The following HTR4 variants were observed in gnomAD, a reference collection of about 807,000 sequenced individuals.
HTR4 encodes the protein 5-hydroxytryptamine receptor 4.
HTR4 carries 16 observed loss-of-function variants against 36.8 expected under a neutral mutation model. That is an observed-to-expected ratio of 0.43 (90% CI 0.29 to 0.66). HTR4 has a LOEUF of 0.66. Ranked by LOEUF, HTR4 falls within the 30% of genes least tolerant of loss-of-function variation. The pLI, the probability that HTR4 is intolerant of heterozygous loss-of-function variation, is 0.13. For synonymous variants in HTR4, 189 were observed against 185.1 expected (o/e 1.02, Z -0.17); for missense variants, 438 against 490.9 (o/e 0.89, Z 1.02).
At chr5:148,559,137 A>G (rs1157176096) in intron 2 of HTR4, among the ~76,000 whole-genome samples, 1 of 152,222 alleles carries the variant, frequency 6.6e-6, no homozygotes, top group Admixed American at 6.5e-5. Flanking sequence ...GTTGGAGCTC[A>G]CTGCTGCTGC....
chr5:148,634,165 G>A (rs1753440309), intron 2 of HTR4, among the ~76,000 whole-genome samples: 1 of 152,110 alleles, frequency 6.6e-6, no homozygotes, highest in Admixed American at 6.6e-5. Flanking sequence ...ATTGACTGGA[G>A]CCCCTCAATT....
rs1164196663 is a variant in HTR4, at chr5:148,597,214, T to A, written c.26+39775A>T. Among the ~76,000 whole-genome samples, 7 of 152,304 alleles carry A rather than the reference T, an allele frequency of 4.6e-5. No individual in the cohort carries two copies. The South Asian group carries it at 1.5e-3, about 32-fold the overall frequency. On this transcript the variant is annotated intron_variant, in intron 2 of 6. Transcript: ENST00000377888. Reference sequence around the variant, plus strand: ...GTATTGGTTATTATTCATGGCCCCATTATTGCATACATCTCTGACTACATG... The same window carrying A: ...GTATTGGTTATTATTCATGGCCCCAATATTGCATACATCTCTGACTACATG...
At chr5:148,579,709 G>T (rs1761061492) in intron 2 of HTR4, among the ~76,000 whole-genome samples, 1 of 151,976 alleles carries the variant, frequency 6.6e-6, no homozygotes, top group Non-Finnish European at 1.5e-5. Flanking sequence ...TAGGACTAAA[G>T]ACCCCATTCT....
intron 1 of HTR4, among the ~76,000 whole-genome samples, chr5:148,652,155 C>T (rs911220869): frequency 6.6e-6 from 1 of 152,132 alleles, no homozygotes; most frequent in African/African-American, 2.4e-5. Flanking sequence ...TATATCTATT[C>T]CTATCTCCAG....
chr5:148,639,219 T>TAAGTCAGG (rs1487354731), intron 1 of HTR4, among the ~76,000 whole-genome samples: 32 of 152,196 alleles, frequency 2.1e-4, no homozygotes, highest in Admixed American at 1.7e-3. Context: ...TTTTTAAATG[T>TAAGTCAGG]AAGTCAGGTC....
chr5:148,471,194 T>C (rs1004737244), intron 5 of HTR4, among the ~76,000 whole-genome samples: 11 of 152,192 alleles, frequency 7.2e-5, no homozygotes, highest in African/African-American at 2.7e-4. Flanking sequence ...GATACTGTAC[T>C]TTCTCCAGTC....
chr5:148,581,941 C>G (rs6892123), intron 2 of HTR4, among the ~76,000 whole-genome samples: 41,001 of 151,884 alleles, frequency 0.27, 6,720 homozygotes, highest in African/African-American at 0.46. Flanking sequence ...TAGACATTTT[C>G]ACATAGAATG....
intron 2 of HTR4, among the ~76,000 whole-genome samples, chr5:148,585,414 C>T (rs768205832): frequency 3.3e-5 from 5 of 152,148 alleles, no homozygotes; most frequent in African/African-American, 4.8e-5. Flanking sequence ...AATCCTAGAA[C>T]GCTAAAGCTA....
At chr5:148,566,672 T>C (rs1280257285) in intron 2 of HTR4, among the ~76,000 whole-genome samples, 2 of 152,164 alleles carry the variant, frequency 1.3e-5, no homozygotes, top group African/African-American at 4.8e-5. Context: ...AGAGTAACAC[T>C]GAAATGCAAA....
intron 2 of HTR4, among the ~76,000 whole-genome samples, chr5:148,613,325 A>G (rs1174607443): frequency 1.6e-5 from 2 of 127,532 alleles, no homozygotes; most frequent in Non-Finnish European, 3.4e-5. Context: ...CAAAAAGCTT[A>G]TCCACCATGA....
intron 2 of HTR4, among the ~76,000 whole-genome samples, chr5:148,607,314 G>C (rs1752213908): frequency 6.6e-6 from 1 of 152,184 alleles, no homozygotes; most frequent in African/African-American, 2.4e-5. Context: ...CTGGACCAGA[G>C]TTCAGATACT....
chr5:148,592,429 C>A (rs1761611047), intron 2 of HTR4, among the ~76,000 whole-genome samples: 1 of 151,878 alleles, frequency 6.6e-6, no homozygotes, highest in African/African-American at 2.4e-5. Flanking sequence ...AGAATAGATG[C>A]CTAAACTAAT....
intron 5 of HTR4, among the ~76,000 whole-genome samples, chr5:148,521,349 A>G (rs1222864044): frequency 2.0e-5 from 3 of 152,162 alleles, no homozygotes; most frequent in African/African-American, 7.2e-5. Context: ...TGAGATTAAC[A>G]TTTGAATCAG....
At chr5:148,453,800 C>T (rs1034559749) in intron 5 of HTR4, among the ~76,000 whole-genome samples, 3 of 152,078 alleles carry the variant, frequency 2.0e-5, no homozygotes, top group African/African-American at 7.2e-5. Context: ...CCTCTGGATG[C>T]TCTATTGTGA....
intron 4 of HTR4, among the ~76,000 whole-genome samples, chr5:148,525,340 A>AT (rs1186947652): frequency 6.6e-6 from 1 of 151,460 alleles, no homozygotes; most frequent in African/African-American, 2.4e-5. Context: ...TTTTTTTCAA[A>AT]TTTTGTTTCC....
chr5:148,644,432 T>G lies in HTR4; in HGVS notation c.-47-7371A>C, dbSNP rs903170853. The stretch of plus-strand genomic sequence containing the variant: ...GTCTCAAGCTCACAAGTTTTTTTTT[T>G]TTTTTTTTTTTTTTTTTTTTTTTGC... On this transcript the variant is annotated intron_variant, in intron 1 of 6. Transcript: ENST00000377888. Among the ~76,000 whole-genome samples, 7 of 129,766 alleles carry G rather than the reference T, an allele frequency of 5.4e-5. No homozygotes were observed. In the East Asian group the frequency reaches 1.1e-3, roughly 20 times the overall value. 85.1% of individuals were successfully genotyped at this position (129,766 alleles called of 152,430 possible).
intron 6 of HTR4, among the ~76,000 whole-genome samples, chr5:148,491,878 C>T (rs1475178027): frequency 6.6e-6 from 1 of 152,152 alleles, no homozygotes; most frequent in Non-Finnish European, 1.5e-5. Flanking sequence ...AACCCTGCTG[C>T]GCACTCAAGC....
chr5:148,603,720 A>G (rs1034221339), intron 2 of HTR4, among the ~76,000 whole-genome samples: 3 of 152,108 alleles, frequency 2.0e-5, no homozygotes, highest in Non-Finnish European at 4.4e-5. Flanking sequence ...TTATTTTGAC[A>G]TAACATCAAC....
chr5:148,544,562 GC>G (rs1246291576), intron 4 of HTR4, among the ~76,000 whole-genome samples: 1 of 151,896 alleles, frequency 6.6e-6, no homozygotes, highest in Non-Finnish European at 1.5e-5. Flanking sequence ...TACTTGGTTA[GC>G]TTTTATTCAC....
Sources: gnomAD v4.1 joint callset for allele counts (sites outside exome capture counted in the v4.1 genomes callset) on GRCh38, gnomAD v4.1.1 for gene constraint, MANE v1.5 for transcripts, NCBI Gene and HGNC (gene_info 2026-07-23, HGNC 2026-07-21) for gene names.